The following TRHDE variants were observed in gnomAD, a reference collection of about 807,000 sequenced individuals.
TRHDE encodes the protein thyrotropin-releasing hormone-degrading ectoenzyme.
In TRHDE, 72 loss-of-function variants were observed where a neutral mutation model predicts 125.7. That is an observed-to-expected ratio of 0.57 (90% confidence interval 0.47 to 0.70). The LOEUF is 0.70. Ranked by LOEUF, TRHDE falls within the 30% of genes least tolerant of loss-of-function variation. TRHDE has a pLI of 0.00. For missense variants in TRHDE, 1,110 were observed against 1,327.1 expected, an observed-to-expected ratio of 0.84 and a Z score of 2.54; for synonymous variants, 509 against 509.1, an observed-to-expected ratio of 1.00 and a Z score of 0.00.
At chr12:72,309,111 C>G (rs1274846362) in intron 2 of TRHDE, among the ~76,000 whole-genome samples, 7 of 152,120 alleles carry the variant, frequency 4.6e-5, no homozygotes, top group African/African-American at 1.7e-4. Context: ...TTTCCATCGC[C>G]CCCAGAAGTT....
At chr12:72,616,847 A>T (rs1213784397) in intron 12 of TRHDE, among the ~76,000 whole-genome samples, 2 of 152,282 alleles carry the variant, frequency 1.3e-5, no homozygotes, top group East Asian at 3.9e-4. Context: ...ATGTATAAAG[A>T]GAAGGTGAAT....
intron 10 of TRHDE, among the ~76,000 whole-genome samples, chr12:72,574,267 T>A (rs1870884439): frequency 6.6e-6 from 1 of 152,066 alleles, no homozygotes; most frequent in South Asian, 2.1e-4. Flanking sequence ...GTATCCCTAC[T>A]CAGACCAGAA....
chr12:72,294,217 A>G (rs1302509195), intron 2 of TRHDE, among the ~76,000 whole-genome samples: 1 of 152,218 alleles, frequency 6.6e-6, no homozygotes, highest in Non-Finnish European at 1.5e-5. Context: ...TTTGTGCGAC[A>G]GTTCTTTTAG....
chr12:72,272,547 C>T lies in TRHDE; in HGVS notation c.-97C>T. The T allele has an allele frequency of 1.7e-6, 1 of 577,516 alleles. No homozygotes were observed. The highest frequency in any genetic ancestry group is 3.0e-6 in the Non-Finnish European group (1 of 331,066). 35.8% of individuals were successfully genotyped at this position (577,516 alleles called of 1,614,324 possible). A position where few individuals can be genotyped will look rare whatever the true frequency, so the allele number is the denominator to read the frequency against. Reference sequence around the variant, plus strand: ...AGCATCCCCAGTCGCGCGCCCTCGGCCCGCGTGAGCTCTCCGATGCCTGCT... The same window carrying T: ...AGCATCCCCAGTCGCGCGCCCTCGGTCCGCGTGAGCTCTCCGATGCCTGCT... On this transcript the variant is annotated 5_prime_UTR_variant, in exon 1 of 19. Transcript: ENST00000261180. This position sits in a 1 kb window ranked among gnomAD's most constrained non-coding sequence, Gnocchi z 6.7.
intron 2 of TRHDE, among the ~76,000 whole-genome samples, chr12:72,223,584 T>A (rs1878042691): frequency 6.6e-6 from 1 of 152,106 alleles, no homozygotes; most frequent in Admixed American, 6.6e-5. Context: ...AGATAAATAT[T>A]TTCTAACCCC....
intron 7 of TRHDE, among the ~76,000 whole-genome samples, chr12:72,561,112 C>T: frequency 6.6e-6 from 1 of 152,130 alleles, no homozygotes; most frequent in East Asian, 1.9e-4. Flanking sequence ...TTGGACATTG[C>T]ATCTCTAGGC....
chr12:72,479,646 T>TG (rs1491387007), intron 5 of TRHDE, among the ~76,000 whole-genome samples: 5 of 93,398 alleles, frequency 5.4e-5, no homozygotes, highest in Non-Finnish European at 4.4e-5. Context: ...GATTTTTTTT[T>TG]GTTTTTTTTT....
Position 72,619,015 on chromosome 12 carries a change from A to G in TRHDE, c.2446A>G (p.Met816Val). The G allele has an allele frequency of 6.4e-7, 1 of 1,566,482 alleles. No individual in the cohort carries two copies. Among genetic ancestry groups the G allele is most frequent in the South Asian group, 1.2e-5 (1 of 81,892 alleles). Residue 816 changes from methionine (M) to valine (V), a missense_variant, in exon 13 of 19, where the codon ATG becomes GTG. Physicochemically the swap from Met to Val is conservative, Grantham distance 21. This residue lies in a region of TRHDE where 527 missense variants were observed against 651.8 expected (regional missense o/e 0.81). Transcript: ENST00000261180. Reference sequence around the variant, plus strand: ...TCCTCTAGATAAATTACTGGACCGCATGGAAAACTACAACATTTTCAATGT... The same window carrying G: ...TCCTCTAGATAAATTACTGGACCGCGTGGAAAACTACAACATTTTCAATGT... ...LYPLDKLLDR[M>V]ENYNIFNEYI...
chr12:72,329,495 T>C (rs1057120216), intron 2 of TRHDE, among the ~76,000 whole-genome samples: 3 of 152,222 alleles, frequency 2.0e-5, no homozygotes, highest in African/African-American at 7.2e-5. Context: ...ATAGCTTTTC[T>C]TACCGAGTCT....
intron 2 of TRHDE, among the ~76,000 whole-genome samples, chr12:72,229,570 A>C (rs2063347622): frequency 2.0e-5 from 3 of 152,210 alleles, no homozygotes; most frequent in Admixed American, 2.0e-4. Flanking sequence ...AGAACAGATC[A>C]TGTCAGACAT....
intron 5 of TRHDE, among the ~76,000 whole-genome samples, chr12:72,498,476 C>T (rs1054799472): frequency 1.3e-5 from 2 of 152,076 alleles, no homozygotes; most frequent in African/African-American, 2.4e-5. Context: ...GCAATTTAAG[C>T]GTTGGAGTCT....
intron 2 of TRHDE, among the ~76,000 whole-genome samples, chr12:72,127,593 A>G (rs1292240867): frequency 6.6e-6 from 1 of 152,136 alleles, no homozygotes; most frequent in Non-Finnish European, 1.5e-5. Flanking sequence ...ACAGAAAACC[A>G]TGTGCATGTT....
intron 2 of TRHDE, among the ~76,000 whole-genome samples, chr12:72,166,149 G>A (rs1254863374): frequency 6.6e-6 from 1 of 152,088 alleles, no homozygotes; most frequent in Non-Finnish European, 1.5e-5. Context: ...GTAAGCAATT[G>A]TAATGCCAGG....
chr12:72,542,485 T>A (rs1262729699), intron 7 of TRHDE, 129 bp downstream of exon 7: 4 of 619,686 alleles, frequency 6.5e-6, no homozygotes, highest in Non-Finnish European at 1.1e-5. Context: ...AAGCAATGTC[T>A]TTCTATATGA....
At chr12:72,440,234 T>A (rs1168843391) in intron 3 of TRHDE, among the ~76,000 whole-genome samples, 1 of 151,952 alleles carries the variant, frequency 6.6e-6, no homozygotes, top group African/African-American at 2.4e-5. Flanking sequence ...TTTTGCAGTG[T>A]CTTTGTCTGG....
chr12:72,592,555 AT>A (rs960543914), intron 12 of TRHDE, among the ~76,000 whole-genome samples: 11 of 146,494 alleles, frequency 7.5e-5, no homozygotes, highest in South Asian at 6.4e-4. Flanking sequence ...AGTTGTGGTG[AT>A]TTTTTTTTTC....
intron 3 of TRHDE, among the ~76,000 whole-genome samples, chr12:72,430,362 C>T (rs1327449785): frequency 1.4e-5 from 2 of 141,696 alleles, no homozygotes; most frequent in Non-Finnish European, 3.0e-5. Flanking sequence ...TACATATATA[C>T]ATATATACGT....
chr12:72,345,979 TG>T (rs1870311517), intron 2 of TRHDE, among the ~76,000 whole-genome samples: 1 of 152,124 alleles, frequency 6.6e-6, no homozygotes, highest in South Asian at 2.1e-4. Context: ...CTCAGGAATT[TG>T]AGAGGAAAAT....
intron 2 of TRHDE, among the ~76,000 whole-genome samples, chr12:72,156,351 G>A (rs1350727145): frequency 6.6e-6 from 1 of 152,192 alleles, no homozygotes; most frequent in Non-Finnish European, 1.5e-5. Context: ...CCCGGATGAG[G>A]TGATGCCTCG....
Sources: allele counts gnomAD v4.1 joint callset (sites outside exome capture counted in the v4.1 genomes callset), GRCh38; gene constraint gnomAD v4.1.1; regional missense constraint gnomAD v4.1.1; non-coding constraint Gnocchi (gnomAD v3.1); transcripts MANE v1.5; gene names NCBI Gene and HGNC (gene_info 2026-07-23, HGNC 2026-07-21).